The following EDC4 variants were observed in gnomAD, a reference collection of about 807,000 sequenced individuals.
The protein encoded by EDC4 is enhancer of mRNA decapping 4.
A neutral mutation model predicts 155.8 loss-of-function variants in EDC4; 64 were observed. That is an observed-to-expected ratio of 0.41 (90% CI 0.34 to 0.51). The LOEUF is 0.51. EDC4 is among the 20% of genes least tolerant of loss of function. The probability of loss-of-function intolerance (pLI) is 0.19; values close to 1 mark genes in which losing one functional copy is unlikely to be tolerated. For missense variants in EDC4, 1,303 were observed against 1,812.5 expected, an observed-to-expected ratio of 0.72 and a Z score of 5.10; for synonymous variants, 684 against 716.8, an observed-to-expected ratio of 0.95 and a Z score of 0.73.
rs1816526132 is a variant in EDC4 at position 67,879,870 on chromosome 16, CAGCAGCAGCGGT to C, written c.1852_1863del (p.Gly618_Ser621del). 1.2e-6 allele frequency: 2 copies of C among 1,611,778 alleles called. No individual in the cohort carries two copies. Among genetic ancestry groups the C allele is most frequent in the Non-Finnish European group, 8.5e-7 (1 of 1,178,490 alleles). ...CCCAGATCACTGCCTCTCCCAGCAGCAGCAGCAGCGGTAGCAGCAGCAGCAGCAGCAGTAGCA... is the reference window on the plus strand; with the variant it reads ...CCCAGATCACTGCCTCTCCCAGCAGCAGCAGCAGCAGCAGCAGCAGTAGCA... On this transcript the variant is annotated inframe_deletion, in exon 16 of 29. Coordinates refer to ENST00000358933, the MANE Select transcript of EDC4 (RefSeq NM_014329.5). The surrounding 1 kb of genome is among the most constrained non-coding windows in gnomAD (Gnocchi z 6.0).
At position 67,880,652 on chromosome 16, in the gene EDC4, T is replaced by A; in HGVS notation, c.2193T>A (p.Asp731Glu). ...CCCCTAGCCGCACTCGTTCCCCTGATGTCATCTCCTCAGCTTCCACTGCCC... is the reference window on the plus strand; with the variant it reads ...CCCCTAGCCGCACTCGTTCCCCTGAAGTCATCTCCTCAGCTTCCACTGCCC... ...QASPSRTRSP[D>E]VISSASTALS... is the part of the protein sequence containing the mutation. The change falls in exon 18 of 29, where the codon GAT becomes GAA. Residue 731 changes from aspartate (D) to glutamate (E), a missense_variant. Asp to Glu is a conservative substitution (Grantham distance 45). This residue lies in a region of EDC4 where 391 missense variants were observed against 445.4 expected (regional missense o/e 0.88). Coordinates refer to ENST00000358933, the MANE Select transcript of EDC4 (RefSeq NM_014329.5). The surrounding 1 kb of genome is among the most constrained non-coding windows in gnomAD (Gnocchi z 5.2). 1 of 1,614,200 alleles carries A rather than the reference T, an allele frequency of 6.2e-7. No homozygotes were observed. The highest frequency in any genetic ancestry group is 8.5e-7 in the Non-Finnish European group (1 of 1,180,026).
Position 67,884,063 on chromosome 16 carries a change from A to C in EDC4, c.4121A>C (p.Gln1374Pro). The C allele has an allele frequency of 6.2e-7, 1 of 1,614,164 alleles. No individual in the cohort carries two copies. The highest frequency in any genetic ancestry group is 8.5e-7 in the Non-Finnish European group (1 of 1,180,012). The part of the protein sequence containing the change: ...QVRQKLFQFL[Q>P]AEPHNSLGKA... ...CGCCAAAAGCTTTTTCAGTTCCTGC[A>C]GGCTGAGCCACACAACTCACTTGGC... Residue 1374 changes from glutamine (Q) to proline (P), a missense_variant, in exon 29 of 29, where the codon CAG becomes CCG. Gln to Pro is a moderately conservative substitution (Grantham distance 76). This residue lies in a region of EDC4 where 527 missense variants were observed against 757.0 expected (regional missense o/e 0.70). Coordinates refer to ENST00000358933, the MANE Select transcript of EDC4 (RefSeq NM_014329.5). The surrounding 1 kb of genome is among the most constrained non-coding windows in gnomAD (Gnocchi z 4.1).
Position 67,882,647 on chromosome 16 carries a change from T to C in EDC4, c.3443-32T>C. Reference sequence around the variant, plus strand: ...GGAGGGGTTATCCTCTTTCCTACTGTTCCTCTTATAGTCCCTGTGGTCACC... The same window carrying C: ...GGAGGGGTTATCCTCTTTCCTACTGCTCCTCTTATAGTCCCTGTGGTCACC... On this transcript the variant is annotated intron_variant, in intron 25 of 28. Transcript: ENST00000358933. The surrounding 1 kb of genome is among the most constrained non-coding windows in gnomAD (Gnocchi z 7.2). 2 of 1,614,236 alleles carry C rather than the reference T, an allele frequency of 1.2e-6. No homozygotes were observed. Among genetic ancestry groups the C allele is most frequent in the East Asian group, 4.5e-5 (2 of 44,888 alleles).
Position 67,879,210 on chromosome 16 carries a change from G to T in EDC4, c.1469-27G>T, listed in dbSNP as rs372595222. On this transcript the variant is annotated intron_variant, in intron 12 of 28. Transcript: ENST00000358933. This position sits in a 1 kb window ranked among gnomAD's most constrained non-coding sequence, Gnocchi z 6.0. The stretch of plus-strand genomic sequence containing the variant: ...TGTGGAGGCACAGAGAGGGCCAGGG[G>T]CTTCATCATCCACACTGTCCTTTCA... 78 of 1,614,086 alleles carry T rather than the reference G, an allele frequency of 4.8e-5. No individual in the cohort carries two copies. Among genetic ancestry groups the T allele is most frequent in the Middle Eastern group, 3.3e-4 (2 of 6,084 alleles).
rs1462734745 is a variant in EDC4 at position 67,878,873 on chromosome 16, G to A, written c.1287+34G>A. 1 of 1,611,850 alleles carries A rather than the reference G, an allele frequency of 6.2e-7. No homozygotes were observed. Among genetic ancestry groups the A allele is most frequent in the Non-Finnish European group, 8.5e-7 (1 of 1,179,990 alleles). On this transcript the variant is annotated intron_variant, in intron 11 of 28. Coordinates refer to ENST00000358933, the MANE Select transcript of EDC4 (RefSeq NM_014329.5). This position sits in a 1 kb window ranked among gnomAD's most constrained non-coding sequence, Gnocchi z 5.2. ...CCATGGGGTACCCTGGGCAGAGTTG[G>A]GATTATAGAGGAAGGCCGGGGGGCA...
Position 67,878,076 on chromosome 16 carries a change from C to T in EDC4, c.895-90C>T, listed in dbSNP as rs548015910. On this transcript the variant is annotated intron_variant, in intron 7 of 28. Transcript: ENST00000358933. The surrounding 1 kb of genome is among the most constrained non-coding windows in gnomAD (Gnocchi z 5.2). The stretch of plus-strand genomic sequence containing the variant: ...GTCAGTCACACAAGCATGCCAGTCC[C>T]ACCGTGAGTCAGCCCAGCTCATTGC... The T allele has an allele frequency of 7.6e-6, 12 of 1,571,372 alleles. No individual in the cohort carries two copies. The East Asian group carries it at 2.1e-4, about 27-fold the overall frequency.
At chr16:67,873,997 C>A (rs2058032124) in intron 1 of EDC4, among the ~76,000 whole-genome samples, 1 of 152,176 alleles carries the variant, frequency 6.6e-6, no homozygotes, top group Non-Finnish European at 1.5e-5. Context: ...CCCAAAGATT[C>A]CCCAAGACAC....
chr16:67,878,022 T>C lies in EDC4; in HGVS notation c.895-144T>C. The C allele has an allele frequency of 1.3e-6, 2 of 1,491,936 alleles. No homozygotes were observed. The highest frequency in any genetic ancestry group is 1.8e-6 in the Non-Finnish European group (2 of 1,110,398). The allele number at this position is 1,491,936 out of a possible 1,614,324, so 92.4% of individuals were successfully genotyped here. On this transcript the variant is annotated intron_variant, in intron 7 of 28. Transcript: ENST00000358933. This position sits in a 1 kb window ranked among gnomAD's most constrained non-coding sequence, Gnocchi z 5.2. ...CTTATCTAGCAGCACCCTGCAGGTC[T>C]GGCCTTCTCTAGGAACCCTGTTCAT...
Position 67,878,954 on chromosome 16 carries a change from C to T in EDC4, c.1288-3C>T, listed in dbSNP as rs1225317178. 1 of 1,610,000 alleles carries T rather than the reference C, an allele frequency of 6.2e-7. No homozygotes were observed. Among genetic ancestry groups the T allele is most frequent in the Non-Finnish European group, 8.5e-7 (1 of 1,178,388 alleles). ...CTCAGCTAGGAACGTTCTGCCTGTG[C>T]AGGTCCTCTATGTGATGGAGCTGCT... On this transcript the variant is annotated splice_region_variant and splice_polypyrimidine_tract_variant and intron_variant, in intron 11 of 28. Transcript: ENST00000358933. The surrounding 1 kb of genome is among the most constrained non-coding windows in gnomAD (Gnocchi z 5.2).
rs973639171 is a variant in EDC4, at chr16:67,881,727, A to C, written c.2886A>C (p.Ala962=). ...TTTGGCAACAGCAGAGAGAGCTGGC[A>C]GAGCTGCGGCACAGCCAGGAAGAGC... ...ALIWQQQREL[A]ELRHSQEELL... Residue 962 remains alanine, a synonymous_variant, in exon 22 of 29, where the codon GCA becomes GCC. Transcript: ENST00000358933. This position sits in a 1 kb window ranked among gnomAD's most constrained non-coding sequence, Gnocchi z 5.4. 19 of 1,613,970 alleles carry C rather than the reference A, an allele frequency of 1.2e-5. No homozygotes were observed. The highest frequency in any genetic ancestry group is 1.6e-5 in the Non-Finnish European group (19 of 1,180,006).
At chr16:67,874,544 T>A (rs2058034351) in intron 1 of EDC4, among the ~76,000 whole-genome samples, 1 of 152,164 alleles carries the variant, frequency 6.6e-6, no homozygotes. Flanking sequence ...TCCGCAGAGA[T>A]TTGGTAGAGC....
chr16:67,880,141 G>A lies in EDC4; in HGVS notation c.2022G>A (p.Gln674=), dbSNP rs770968945. The A allele has an allele frequency of 6.2e-6, 10 of 1,612,956 alleles. No homozygotes were observed. In the South Asian group the frequency reaches 9.9e-5, roughly 16 times the overall value. ...SLTMSSSGSL[Q]ASPRGLLPGL... ...CAATGAGCAGCAGTGGCAGCCTTCA[G>A]GCAAGCCCGCGTGGCCTCCTGCCTG... Residue 674 remains glutamine (Q), a synonymous_variant, in exon 17 of 29, where the codon CAG becomes CAA. Transcript: ENST00000358933. The surrounding 1 kb of genome is among the most constrained non-coding windows in gnomAD (Gnocchi z 5.2).
rs2058052575 is a variant in EDC4, at chr16:67,878,848, C to T, written c.1287+9C>T. ...GCGATGTGCAACGGAAGGTAGGCTG[C>T]CATGGGGTACCCTGGGCAGAGTTGG... On this transcript the variant is annotated intron_variant, in intron 11 of 28. Coordinates refer to ENST00000358933, the MANE Select transcript of EDC4 (RefSeq NM_014329.5). The surrounding 1 kb of genome is among the most constrained non-coding windows in gnomAD (Gnocchi z 5.2). 6.2e-7 allele frequency: 1 copy of T among 1,612,906 alleles called. No individual in the cohort carries two copies. The highest frequency in any genetic ancestry group is 1.3e-5 in the African/African-American group (1 of 75,026).
Position 67,879,089 on chromosome 16 carries a change from C to T in EDC4, c.1420C>T (p.His474Tyr), listed in dbSNP as rs754547230. 1.2e-6 allele frequency: 2 copies of T among 1,613,880 alleles called. No individual in the cohort carries two copies. The highest frequency in any genetic ancestry group is 2.2e-5 in the South Asian group (2 of 91,084). Reference sequence around the variant, plus strand: ...GGTTGTGAGTCGCTGCCGGCTACGGCACACTGAGGTGCTGCCTGCCGAAGA... The same window carrying T: ...GGTTGTGAGTCGCTGCCGGCTACGGTACACTGAGGTGCTGCCTGCCGAAGA... ...IQVVSRCRLR[H>Y]TEVLPAEEEN... The change falls in exon 12 of 29, where the codon CAC becomes TAC. Residue 474 changes from histidine (H) to tyrosine (Y), a missense_variant. By Grantham distance (83) the His-to-Tyr change is moderately conservative (BLOSUM62 2). This residue lies in a region of EDC4 where 391 missense variants were observed against 445.4 expected (regional missense o/e 0.88). Coordinates refer to ENST00000358933, the MANE Select transcript of EDC4 (RefSeq NM_014329.5). This position sits in a 1 kb window ranked among gnomAD's most constrained non-coding sequence, Gnocchi z 6.0.
At position 67,879,233 on chromosome 16, in the gene EDC4, T is replaced by G; in HGVS notation, c.1469-4T>G. 6.2e-7 allele frequency: 1 copy of G among 1,614,158 alleles called. No individual in the cohort carries two copies. Among genetic ancestry groups the G allele is most frequent in the South Asian group, 1.1e-5 (1 of 91,082 alleles). ...GGGCTTCATCATCCACACTGTCCTT[T>G]CAGATGGTACCCATGGAGCCGGTGC... On this transcript the variant is annotated splice_region_variant and splice_polypyrimidine_tract_variant and intron_variant, in intron 12 of 28. Coordinates refer to ENST00000358933, the MANE Select transcript of EDC4 (RefSeq NM_014329.5). The surrounding 1 kb of genome is among the most constrained non-coding windows in gnomAD (Gnocchi z 6.0).
At chr16:67,874,082 G>A (rs2058032429) in intron 1 of EDC4, among the ~76,000 whole-genome samples, 1 of 152,158 alleles carries the variant, frequency 6.6e-6, no homozygotes. Flanking sequence ...CGTGGGAAGG[G>A]TGGAGGCTGG....
intron 1 of EDC4, among the ~76,000 whole-genome samples, chr16:67,874,603 C>T (rs1355222006): frequency 1.3e-5 from 2 of 152,188 alleles, no homozygotes; most frequent in Non-Finnish European, 2.9e-5. Flanking sequence ...TGGTTGTCCT[C>T]ATGGTACCCT....
rs2058067705 is a variant in EDC4 at position 67,881,460 on chromosome 16, G to T, written c.2790-37G>T. 1 of 1,614,070 alleles carries T rather than the reference G, an allele frequency of 6.2e-7. No individual in the cohort carries two copies. Among genetic ancestry groups the T allele is most frequent in the Non-Finnish European group, 8.5e-7 (1 of 1,180,036 alleles). ...GGAGGGAGAGGGTGGTCTCTAGGCTGCCTCACATAGCCTGAGGTGCTTCTC... is the reference window on the plus strand; with the variant it reads ...GGAGGGAGAGGGTGGTCTCTAGGCTTCCTCACATAGCCTGAGGTGCTTCTC... On this transcript the variant is annotated intron_variant, in intron 20 of 28. Transcript: ENST00000358933. This position sits in a 1 kb window ranked among gnomAD's most constrained non-coding sequence, Gnocchi z 5.4.
chr16:67,883,433 C>CA lies in EDC4; in HGVS notation c.3850-134dup. Reference sequence around the variant, plus strand: ...CCCCTAGGGTAACTACACAGCCCTACAGGCTCTCTCTGAGTCCCTCTGGAG... The same window carrying CA: ...CCCCTAGGGTAACTACACAGCCCTACAAGGCTCTCTCTGAGTCCCTCTGGAG... On this transcript the variant is annotated intron_variant, in intron 27 of 28. Transcript: ENST00000358933. The surrounding 1 kb of genome is among the most constrained non-coding windows in gnomAD (Gnocchi z 5.3). The CA allele has an allele frequency of 7.1e-7, 1 of 1,403,774 alleles. No individual in the cohort carries two copies. The highest frequency in any genetic ancestry group is 9.7e-7 in the Non-Finnish European group (1 of 1,026,060). The allele number at this position is 1,403,774 out of a possible 1,614,324, so 87.0% of individuals were successfully genotyped here. A position where few individuals can be genotyped will look rare whatever the true frequency, so the allele number is the denominator to read the frequency against.
Sources: gnomAD v4.1 joint callset for allele counts (sites outside exome capture counted in the v4.1 genomes callset) on GRCh38, gnomAD v4.1.1 for gene constraint, gnomAD v4.1.1 regional missense constraint, Gnocchi (gnomAD v3.1) non-coding constraint, MANE v1.5 for transcripts, NCBI Gene and HGNC (gene_info 2026-07-23, HGNC 2026-07-21) for gene names.